CHERP: variants seen among roughly 807,000 people sequenced by gnomAD.
CHERP encodes calcium homeostasis endoplasmic reticulum protein.
Under a neutral mutation model 113.8 loss-of-function variants are expected in CHERP, and 8 were observed. That is an observed-to-expected ratio of 0.07 (90% CI 0.04 to 0.13). CHERP has a LOEUF of 0.13. CHERP is among the 10% of genes least tolerant of loss of function. The pLI is 1.00. For synonymous variants in CHERP, 559 were observed against 524.5 expected, an observed-to-expected ratio of 1.07 and a Z score of -0.90; for missense variants, 884 against 1,298.2, an observed-to-expected ratio of 0.68 and a Z score of 4.90.
intron 2 of CHERP, chr19:16,541,180 G>A (rs2085777040): frequency 6.6e-6 from 1 of 152,138 alleles, no homozygotes; most frequent in African/African-American, 2.4e-5. Context: ...TCAAACAGCG[G>A]ACAACCACCT....
intron 2 of CHERP, among the ~76,000 whole-genome samples, chr19:16,539,438 C>T (rs986614576): frequency 1.3e-5 from 2 of 152,104 alleles, no homozygotes; most frequent in Admixed American, 6.6e-5. Context: ...TGAGCCACCG[C>T]GCCCGGCCTA....
chr19:16,533,094 G>T lies in CHERP; in HGVS notation c.439C>A (p.Leu147Met). Residue 147 changes from leucine (L) to methionine (M), a missense_variant, in exon 4 of 17, where the codon CTG becomes ATG. By Grantham distance (15) the Leu-to-Met change is conservative. This residue lies in a region of CHERP where 109 missense variants were observed against 134.2 expected (regional missense o/e 0.81). Coordinates refer to ENST00000546361, the MANE Select transcript of CHERP (RefSeq NM_006387.6). ...HAVEQQMQKL[L>M]EETQLDMNEF... ...TTCATGTCTAGCTGGGTCTCCTCCA[G>T]AAGCTTCTGCATCTGCTGCTCCACC... 2 of 1,584,442 alleles carry T rather than the reference G, an allele frequency of 1.3e-6. No homozygotes were observed. Among genetic ancestry groups the T allele is most frequent in the East Asian group, 2.3e-5 (1 of 43,818 alleles).
In CHERP at chr19:16,535,340, C is replaced by T. The variant is rs1467487038; in HGVS notation, c.384+112G>A. 2.6e-6 allele frequency: 3 copies of T among 1,172,072 alleles called. No homozygotes were observed. Among genetic ancestry groups the T allele is most frequent in the South Asian group, 1.4e-5 (1 of 69,372 alleles). The allele number at this position is 1,172,072 out of a possible 1,614,324, so 72.6% of individuals were successfully genotyped here. On this transcript the variant is annotated intron_variant, in intron 3 of 16. Transcript: ENST00000546361. This position sits in a 1 kb window ranked among gnomAD's most constrained non-coding sequence, Gnocchi z 4.3. ...CTGACATGCACCGAGCCCTGGGTGGCAGGGGGGGCCCTGTCCTCACTGACA... is the reference window on the plus strand; with the variant it reads ...CTGACATGCACCGAGCCCTGGGTGGTAGGGGGGGCCCTGTCCTCACTGACA...
chr19:16,538,259 C>T (rs1331744994), intron 2 of CHERP, among the ~76,000 whole-genome samples: 2 of 152,210 alleles, frequency 1.3e-5, no homozygotes, highest in Admixed American at 6.5e-5. Flanking sequence ...TGGGCTTCAG[C>T]CACCCTAAGC....
rs753102772 is a variant in CHERP at position 16,525,474 on chromosome 19, C to T, written c.1509G>A (p.Pro503=). ...EGPWNSQHEQ[P]PWGGGQREPP... ...GCTCGCGCTGGCCCCCGCCCCAGGG[C>T]GGCTGCTCGTGCTGGCTGTTCCAGG... Residue 503 remains proline, a synonymous_variant, in exon 10 of 17, where the codon CCG becomes CCA. Coordinates refer to ENST00000546361, the MANE Select transcript of CHERP (RefSeq NM_006387.6). The surrounding 1 kb of genome is among the most constrained non-coding windows in gnomAD (Gnocchi z 6.5). 3.2e-6 allele frequency: 5 copies of T among 1,551,850 alleles called. No individual in the cohort carries two copies. The African/African-American group carries it at 5.5e-5, about 17-fold the overall frequency.
rs765795233 is a variant in CHERP at position 16,525,464 on chromosome 19, C to T, written c.1519G>A (p.Gly507Arg). 3.2e-6 allele frequency: 5 copies of T among 1,549,124 alleles called. No individual in the cohort carries two copies. In the South Asian group the frequency reaches 3.6e-5, roughly 11 times the overall value. ...CGGAAGGGTGGCTCGCGCTGGCCCC[C>T]GCCCCAGGGCGGCTGCTCGTGCTGG... The part of the protein sequence containing the change: ...NSQHEQPPWG[G>R]GQREPPFRMQ... The change falls in exon 10 of 17, where the codon GGG becomes AGG. Residue 507 changes from glycine (G) to arginine (R), a missense_variant. This residue lies in a region of CHERP where 464 missense variants were observed against 590.1 expected (regional missense o/e 0.79). Transcript: ENST00000546361. The surrounding 1 kb of genome is among the most constrained non-coding windows in gnomAD (Gnocchi z 6.5).
Position 16,532,667 on chromosome 19 carries a change from G to T in CHERP, c.605C>A (p.Thr202Lys). The T allele has an allele frequency of 6.2e-7, 1 of 1,613,466 alleles. No homozygotes were observed. Residue 202 changes from threonine to lysine, a missense_variant, in exon 5 of 17, where the codon ACG (threonine) becomes AAG (lysine). Thr to Lys is a moderately conservative substitution (Grantham distance 78, BLOSUM62 -1). This residue lies in a region of CHERP where 73 missense variants were observed against 182.4 expected (regional missense o/e 0.40). Coordinates refer to ENST00000546361, the MANE Select transcript of CHERP (RefSeq NM_006387.6). The surrounding 1 kb of genome is among the most constrained non-coding windows in gnomAD (Gnocchi z 4.4). ...CAGCTCGAAGTGTGCCCCATCAGCCGTGATGCGGTTCCGGAGGTGGCCGGC... is the reference window on the plus strand; with the variant it reads ...CAGCTCGAAGTGTGCCCCATCAGCCTTGATGCGGTTCCGGAGGTGGCCGGC... ...LMAGHLRNRITADGAHFELRL... is the reference protein window; with the variant it reads ...LMAGHLRNRIKADGAHFELRL...
At position 16,518,670 on chromosome 19, in the gene CHERP, G is replaced by A. The variant is rs975339447; in HGVS notation, c.*489C>T. 1.3e-5 allele frequency: 2 copies of A among 156,752 alleles called. No homozygotes were observed. The highest frequency in any genetic ancestry group is 2.4e-5 in the African/African-American group (1 of 41,484). The allele number at this position is 156,752 out of a possible 1,614,324, so 9.7% of individuals were successfully genotyped here. A position where few individuals can be genotyped will look rare whatever the true frequency, so the allele number is the denominator to read the frequency against. On this transcript the variant is annotated 3_prime_UTR_variant, in exon 17 of 17. Transcript: ENST00000546361. ...CAATCCGCGGGCAGTCATGGCACTG[G>A]GCTTCGGCTTTGTCCCTACACAGCC...
chr19:16,521,404 G>A (rs2085614220), intron 12 of CHERP, 117 bp downstream of exon 12: 4 of 899,368 alleles, frequency 4.4e-6, no homozygotes, highest in Non-Finnish European at 6.5e-6. Context: ...GGCGGGGGGA[G>A]GGCAGTTTCT....
chr19:16,532,819 A>C lies in CHERP; in HGVS notation c.523-70T>G, dbSNP rs371102950. 199 of 1,562,444 alleles carry C rather than the reference A, an allele frequency of 1.3e-4. No homozygotes were observed. The African/African-American group carries it at 2.0e-3, about 16-fold the overall frequency. On this transcript the variant is annotated intron_variant, in intron 4 of 16. Transcript: ENST00000546361. The surrounding 1 kb of genome is among the most constrained non-coding windows in gnomAD (Gnocchi z 4.4). ...CCCAGGCACCCACTGCATCCCTGAG[A>C]GCGCGTCACCATCAGCTCAGGGAAG...
rs905031710 is a variant in CHERP, at chr19:16,523,583, G to A, written c.1742-293C>T. On this transcript the variant is annotated intron_variant, in intron 10 of 16. Coordinates refer to ENST00000546361, the MANE Select transcript of CHERP (RefSeq NM_006387.6). This position sits in a 1 kb window ranked among gnomAD's most constrained non-coding sequence, Gnocchi z 4.0. The stretch of plus-strand genomic sequence containing the variant: ...AAGTTGTGACCCTCCGAATCCATAC[G>A]CTGAGGTCCCAGCCCCCAGTAGCTC... Among the ~76,000 whole-genome samples the A allele has an allele frequency of 2.0e-5, 3 of 152,158 alleles. No individual in the cohort carries two copies. Among genetic ancestry groups the A allele is most frequent in the African/African-American group, 7.2e-5 (3 of 41,420 alleles).
In CHERP at chr19:16,525,254, C is replaced by G. The variant is rs1392657219; in HGVS notation, c.1729G>C (p.Asp577His). 7.0e-7 allele frequency: 1 copy of G among 1,429,352 alleles called. No homozygotes were observed. The highest frequency in any genetic ancestry group is 9.2e-7 in the Non-Finnish European group (1 of 1,089,648). 88.5% of individuals were successfully genotyped at this position (1,429,352 alleles called of 1,614,324 possible). A position where few individuals can be genotyped will look rare whatever the true frequency, so the allele number is the denominator to read the frequency against. ...YPHRFDYPQG[D>H]FPAEMGPPHH... Reference sequence around the variant, plus strand: ...CCCGTACACTCACCGGCAGGGAAGTCCCCCTGGGGGTAGTCGAAGCGGTGG... The same window carrying G: ...CCCGTACACTCACCGGCAGGGAAGTGCCCCTGGGGGTAGTCGAAGCGGTGG... Residue 577 changes from aspartate (D) to histidine (H), a missense_variant, in exon 10 of 17, where the codon GAC (aspartate) becomes CAC (histidine). Asp to His is a moderately conservative substitution (Grantham distance 81). This residue lies in a region of CHERP where 464 missense variants were observed against 590.1 expected (regional missense o/e 0.79). Transcript: ENST00000546361. The surrounding 1 kb of genome is among the most constrained non-coding windows in gnomAD (Gnocchi z 6.5).
rs530518515 is a variant in CHERP, at chr19:16,535,951, C to A, written c.200-315G>T. The stretch of plus-strand genomic sequence containing the variant: ...GTCCTTCCGGTGCAAGCTAAGCTTG[C>A]CTGCCCACCTCCTCACCCACCTAGG... On this transcript the variant is annotated intron_variant, in intron 2 of 16. Transcript: ENST00000546361. This position sits in a 1 kb window ranked among gnomAD's most constrained non-coding sequence, Gnocchi z 4.3. 4.6e-5 allele frequency among the ~76,000 whole-genome samples: 7 copies of A among 152,322 alleles called. No individual in the cohort carries two copies. The East Asian group carries it at 1.4e-3, about 29-fold the overall frequency.
At position 16,521,795 on chromosome 19, in the gene CHERP, C is replaced by G. The variant is rs930155536; in HGVS notation, c.1981-141G>C. 4 of 719,660 alleles carry G rather than the reference C, an allele frequency of 5.6e-6. No homozygotes were observed. The African/African-American group carries it at 7.3e-5, about 13-fold the overall frequency. 44.6% of individuals were successfully genotyped at this position (719,660 alleles called of 1,614,324 possible). On this transcript the variant is annotated intron_variant, in intron 11 of 16. Transcript: ENST00000546361. Reference sequence around the variant, plus strand: ...GGGCACCAGAGCTCCTCATGCTTCCCTCTTGGGGATCCCACTCTCTTGTAG... The same window carrying G: ...GGGCACCAGAGCTCCTCATGCTTCCGTCTTGGGGATCCCACTCTCTTGTAG...
At position 16,521,554 on chromosome 19, in the gene CHERP, T is replaced by C. The variant is rs547678812; in HGVS notation, c.2081A>G (p.Tyr694Cys). The C allele has an allele frequency of 1.2e-6, 2 of 1,603,918 alleles. No homozygotes were observed. The highest frequency in any genetic ancestry group is 1.3e-5 in the African/African-American group (1 of 74,800). Residue 694 changes from tyrosine to cysteine, a missense_variant, in exon 12 of 17, where the codon TAC becomes TGC. Transcript: ENST00000546361. ...GGGCCTGTCGTGGGACGGGGGGCTG[T>C]AGAAGGCCTCCACTGCAGCCAGCAG... Reference protein sequence around the residue: ...ERLLAAVEAFYSPPSHDRPRN... With the variant: ...ERLLAAVEAFCSPPSHDRPRN...
At position 16,520,281 on chromosome 19, in the gene CHERP, C is replaced by T; in HGVS notation, c.2346-16G>A. The T allele has an allele frequency of 6.2e-7, 1 of 1,613,124 alleles. No individual in the cohort carries two copies. Among genetic ancestry groups the T allele is most frequent in the Non-Finnish European group, 8.5e-7 (1 of 1,179,810 alleles). Reference sequence around the variant, plus strand: ...GCTCCGACTTCTGCAGGGAAGGGTGCCCAAGGGTCAGCAGCAGCCAGGCGT... The same window carrying T: ...GCTCCGACTTCTGCAGGGAAGGGTGTCCAAGGGTCAGCAGCAGCCAGGCGT... On this transcript the variant is annotated splice_polypyrimidine_tract_variant and intron_variant, in intron 14 of 16. Transcript: ENST00000546361. The surrounding 1 kb of genome is among the most constrained non-coding windows in gnomAD (Gnocchi z 4.0).
Position 16,530,021 on chromosome 19 carries a change from A to T in CHERP, c.877-121T>A. 7.6e-7 allele frequency: 1 copy of T among 1,316,908 alleles called. No homozygotes were observed. The highest frequency in any genetic ancestry group is 1.0e-6 in the Non-Finnish European group (1 of 969,692). The allele number at this position is 1,316,908 out of a possible 1,614,324, so 81.6% of individuals were successfully genotyped here. ...GGGACCTGGGGCAGGTGGACAGGGA[A>T]CCGTCACGTGAAACAGCCAACACAG... On this transcript the variant is annotated intron_variant, in intron 7 of 16. Transcript: ENST00000546361. The surrounding 1 kb of genome is among the most constrained non-coding windows in gnomAD (Gnocchi z 4.1).
chr19:16,530,949 G>A lies in CHERP; in HGVS notation c.675-69C>T, dbSNP rs986347421. Reference sequence around the variant, plus strand: ...ACCCGGCCACGCGCCCGTTACCATCGCGGCTCCAGCCTCAGCGCCCTCTGC... The same window carrying A: ...ACCCGGCCACGCGCCCGTTACCATCACGGCTCCAGCCTCAGCGCCCTCTGC... On this transcript the variant is annotated intron_variant, in intron 5 of 16. Transcript: ENST00000546361. The surrounding 1 kb of genome is among the most constrained non-coding windows in gnomAD (Gnocchi z 4.1). The A allele has an allele frequency of 1.9e-6, 3 of 1,573,714 alleles. No individual in the cohort carries two copies. Among genetic ancestry groups the A allele is most frequent in the East Asian group, 4.6e-5 (2 of 43,188 alleles).
chr19:16,522,424 A>C lies in CHERP; in HGVS notation c.1980+628T>G, dbSNP rs971443724. On this transcript the variant is annotated intron_variant, in intron 11 of 16. Transcript: ENST00000546361. ...CAGGCGTCTGCCACCACGCCTGGCT[A>C]ATTTTTTGTATTTTTTAATAGAGAC... 7.9e-5 allele frequency among the ~76,000 whole-genome samples: 12 copies of C among 152,006 alleles called. 1 individual carries two copies. Among genetic ancestry groups the C allele is most frequent in the Admixed American group, 7.9e-4 (12 of 15,266 alleles).
Sources: gnomAD v4.1 joint callset for allele counts (sites outside exome capture counted in the v4.1 genomes callset) on GRCh38, gnomAD v4.1.1 for gene constraint, gnomAD v4.1.1 regional missense constraint, Gnocchi (gnomAD v3.1) non-coding constraint, MANE v1.5 for transcripts, NCBI Gene and HGNC (gene_info 2026-07-23, HGNC 2026-07-21) for gene names.